Variants in PTPRR observed in about 807,000 individuals in gnomAD.
PTPRR encodes receptor-type tyrosine-protein phosphatase R.
PTPRR carries 38 observed loss-of-function variants against 77.2 expected under a neutral mutation model. The observed-to-expected ratio is 0.49, with a 90% CI of 0.38 to 0.65. PTPRR has a LOEUF of 0.65. Among genes scored for constraint, PTPRR ranks in the 30% least tolerant of loss-of-function variants. The pLI, the probability that PTPRR is intolerant of heterozygous loss-of-function variation, is 0.00. For missense variants in PTPRR, 744 were observed against 799.2 expected (o/e 0.93, Z 0.83); for synonymous variants, 299 against 283.1 (o/e 1.06, Z -0.57).
intron 2 of PTPRR, among the ~76,000 whole-genome samples, chr12:70,776,662 C>T (rs571596804): frequency 6.6e-6 from 1 of 152,188 alleles, no homozygotes; most frequent in African/African-American, 2.4e-5. Flanking sequence ...GGGATCAGTG[C>T]TAGGGGCTCT....
At chr12:70,783,078 G>A (rs938148278) in intron 2 of PTPRR, among the ~76,000 whole-genome samples, 5 of 152,092 alleles carry the variant, frequency 3.3e-5, no homozygotes, top group South Asian at 2.1e-4. Flanking sequence ...CCGATTTTCC[G>A]GCCAGAAACC....
At chr12:70,819,050 G>T (rs1163133847) in intron 2 of PTPRR, among the ~76,000 whole-genome samples, 1 of 152,224 alleles carries the variant, frequency 6.6e-6, no homozygotes, top group Admixed American at 6.5e-5. Context: ...GTCAGGTGTG[G>T]TGGCTCACAC....
At chr12:70,641,198 G>T (rs1885984672) in intron 13 of PTPRR, among the ~76,000 whole-genome samples, 1 of 152,206 alleles carries the variant, frequency 6.6e-6, no homozygotes, top group Non-Finnish European at 1.5e-5. Context: ...AGGGAGCTGA[G>T]AGGTGCCTCC....
intron 2 of PTPRR, among the ~76,000 whole-genome samples, chr12:70,797,602 A>G (rs1267772575): frequency 6.6e-6 from 1 of 152,180 alleles, no homozygotes; most frequent in Non-Finnish European, 1.5e-5. Flanking sequence ...CAACAATGGA[A>G]AGAAACCAAT....
At chr12:70,825,717 G>A (rs537494777) in intron 2 of PTPRR, among the ~76,000 whole-genome samples, 3 of 152,120 alleles carry the variant, frequency 2.0e-5, no homozygotes, top group Non-Finnish European at 2.9e-5. Flanking sequence ...GCTCCCTGTC[G>A]CCTCATTGGA....
At chr12:70,788,285 T>C (rs1046171717) in intron 2 of PTPRR, among the ~76,000 whole-genome samples, 3 of 152,208 alleles carry the variant, frequency 2.0e-5, no homozygotes, top group Non-Finnish European at 4.4e-5. Flanking sequence ...CATGCAATTA[T>C]AACAGAAGAT....
intron 10 of PTPRR, among the ~76,000 whole-genome samples, chr12:70,680,950 T>G (rs1567748): frequency 0.75 from 114,249 of 152,090 alleles, 45,098 homozygotes; most frequent in Non-Finnish European, 0.87. Flanking sequence ...TGCTGACTGC[T>G]CATGAGGCCA....
At chr12:70,890,859 A>T (rs1388175616) in intron 2 of PTPRR, among the ~76,000 whole-genome samples, 1 of 151,934 alleles carries the variant, frequency 6.6e-6, no homozygotes, top group African/African-American at 2.4e-5. Flanking sequence ...CCATACATCC[A>T]TTTTCTGTAT....
chr12:70,810,214 CAA>C, intron 2 of PTPRR, among the ~76,000 whole-genome samples: 1 of 152,008 alleles, frequency 6.6e-6, no homozygotes, highest in East Asian at 1.9e-4. Context: ...GCTCTGTCCC[CAA>C]AAAAACCTCA....
At chr12:70,722,077 A>G (rs1196148244) in intron 6 of PTPRR, among the ~76,000 whole-genome samples, 2 of 152,108 alleles carry the variant, frequency 1.3e-5, no homozygotes, top group East Asian at 3.9e-4. Context: ...CCTTTGAAAA[A>G]TCTGTCCCGG....
At chr12:70,896,483 T>A (rs1893430803) in intron 1 of PTPRR, among the ~76,000 whole-genome samples, 1 of 151,588 alleles carries the variant, frequency 6.6e-6, no homozygotes, top group African/African-American at 2.4e-5. Context: ...TACTGGGCCA[T>A]AAAATAACAC....
At chr12:70,702,912 C>G (rs1888483272) in intron 6 of PTPRR, among the ~76,000 whole-genome samples, 1 of 152,052 alleles carries the variant, frequency 6.6e-6, no homozygotes, top group African/African-American at 2.4e-5. Flanking sequence ...TTGCTGGCAT[C>G]TAGTTTGATT....
rs561853120 is a variant in PTPRR at position 70,848,456 on chromosome 12, A to G, written c.357+44223T>C. Among the ~76,000 whole-genome samples the G allele has an allele frequency of 2.0e-5, 3 of 152,258 alleles. No individual in the cohort carries two copies. The South Asian group carries it at 6.2e-4, about 32-fold the overall frequency. The stretch of plus-strand genomic sequence containing the variant: ...GATTCTCCAGAGCAGTTGAAACTAT[A>G]GGTGCATGCCACCATGCCCAGCTAA... On this transcript the variant is annotated intron_variant, in intron 2 of 13. Transcript: ENST00000283228.
At chr12:70,747,034 C>T (rs1470532423) in intron 5 of PTPRR, among the ~76,000 whole-genome samples, 1 of 152,102 alleles carries the variant, frequency 6.6e-6, no homozygotes, top group African/African-American at 2.4e-5. Context: ...GAAAAGATGT[C>T]TGATATTAAG....
intron 13 of PTPRR, among the ~76,000 whole-genome samples, chr12:70,644,265 G>T (rs572464711): frequency 6.6e-6 from 1 of 152,046 alleles, no homozygotes; most frequent in Admixed American, 6.6e-5. Context: ...TCCAGTACAC[G>T]TTTGTTTTCC....
intron 1 of PTPRR, among the ~76,000 whole-genome samples, chr12:70,901,216 A>C (rs1893528524): frequency 6.6e-6 from 1 of 151,552 alleles, no homozygotes; most frequent in East Asian, 1.9e-4. Context: ...AAAACTAAAA[A>C]TAGAACTACC....
intron 2 of PTPRR, among the ~76,000 whole-genome samples, chr12:70,863,412 T>A (rs550331136): frequency 6.6e-6 from 1 of 152,272 alleles, no homozygotes; most frequent in Non-Finnish European, 1.5e-5. Context: ...TGCATGACTG[T>A]CCTACTTTTA....
rs1893135223 is a variant in PTPRR at position 70,880,751 on chromosome 12, T to C, written c.357+11928A>G. 1.3e-5 allele frequency among the ~76,000 whole-genome samples: 2 copies of C among 152,166 alleles called. 1 individual carries two copies. The highest frequency in any genetic ancestry group is 1.3e-4 in the Admixed American group (2 of 15,264). ...TGTCCATTCGAAATCTTTACACATC[T>C]GAGAAGCCCATTGTCCTTGCTTATT... On this transcript the variant is annotated intron_variant, in intron 2 of 13. Transcript: ENST00000283228.
chr12:70,722,553 C>T (rs532846064), intron 6 of PTPRR, among the ~76,000 whole-genome samples: 2 of 152,176 alleles, frequency 1.3e-5, no homozygotes, highest in Non-Finnish European at 2.9e-5. Context: ...TGGAGGGACG[C>T]GGAGGTCATC....
Sources: allele counts gnomAD v4.1 joint callset (sites outside exome capture counted in the v4.1 genomes callset), GRCh38; gene constraint gnomAD v4.1.1; transcripts MANE v1.5; gene names NCBI Gene and HGNC (gene_info 2026-07-23, HGNC 2026-07-21).